The following MRTFB variants were observed in gnomAD, a reference collection of about 807,000 sequenced individuals.
MRTFB encodes the protein myocardin related transcription factor B.
Under a neutral mutation model 104.2 loss-of-function variants are expected in MRTFB, and 29 were observed. The ratio of observed to expected loss-of-function variants is 0.28; its 90% CI spans 0.21 to 0.38. MRTFB has a LOEUF of 0.38. Among genes scored for constraint, MRTFB ranks in the 10% least tolerant of loss-of-function variants. The probability of loss-of-function intolerance (pLI) is 1.00; values close to 1 mark genes in which losing one functional copy is unlikely to be tolerated. For missense variants in MRTFB, 1,270 were observed against 1,341.6 expected (o/e 0.95, Z 0.83); for synonymous variants, 535 against 519.5 (o/e 1.03, Z -0.41).
At chr16:14,238,255 C>T (rs561932498) in intron 9 of MRTFB, among the ~76,000 whole-genome samples, 1 of 152,100 alleles carries the variant, frequency 6.6e-6, no homozygotes, top group African/African-American at 2.4e-5. Context: ...TAGCTCAAAA[C>T]ATCAGTAGAG....
At chr16:14,094,869 A>T (rs1319052662) in intron 2 of MRTFB, among the ~76,000 whole-genome samples, 1 of 152,198 alleles carries the variant, frequency 6.6e-6, no homozygotes, top group African/African-American at 2.4e-5. Flanking sequence ...TTTTTGGAGA[A>T]ACAAAGGATA....
chr16:14,167,690 TTTTGTTTTTG>T (rs1287501096), intron 3 of MRTFB, among the ~76,000 whole-genome samples: 3 of 152,062 alleles, frequency 2.0e-5, no homozygotes, highest in African/African-American at 7.2e-5. Context: ...TTTTGTTTTG[TTTTGTTTTTG>T]TTTGTTTTTG....
chr16:14,233,557 G>A (rs2151314838), intron 8 of MRTFB, among the ~76,000 whole-genome samples: 1 of 152,166 alleles, frequency 6.6e-6, no homozygotes, highest in South Asian at 2.1e-4. Flanking sequence ...GGAGGCCGGG[G>A]CAGGTGGATC....
intron 3 of MRTFB, chr16:14,195,500 C>T (rs1311067436): frequency 1.0e-6 from 1 of 985,030 alleles, no homozygotes; most frequent in Non-Finnish European, 1.2e-6. Context: ...CAGCCCCATT[C>T]CTGAATCCAC....
intron 14 of MRTFB, 119 bp downstream of exon 14, chr16:14,252,142 AGT>A: frequency 7.7e-7 from 1 of 1,292,252 alleles, no homozygotes; most frequent in South Asian, 1.4e-5. Flanking sequence ...TTGAAAATAC[AGT>A]GATAACTTGT....
chr16:14,230,336 T>C (rs1214131834), intron 8 of MRTFB, among the ~76,000 whole-genome samples: 1 of 151,798 alleles, frequency 6.6e-6, no homozygotes, highest in Non-Finnish European at 1.5e-5. Flanking sequence ...ACCATCAGAG[T>C]GAACAGGCAA....
chr16:14,034,730 A>T, the MRTFB span, among the ~76,000 whole-genome samples: 1 of 151,794 alleles, frequency 6.6e-6, no homozygotes, highest in Non-Finnish European at 1.5e-5. Flanking sequence ...TTATTGGATT[A>T]CGGCCCATTC....
chr16:13,998,162 G>A, the MRTFB span, among the ~76,000 whole-genome samples: 20 of 152,276 alleles, frequency 1.3e-4, no homozygotes, highest in South Asian at 4.1e-3. Flanking sequence ...TCAGCAAGGG[G>A]GTGAGTCGTA....
At chr16:14,050,144 C>A in the MRTFB span, among the ~76,000 whole-genome samples, 1 of 151,334 alleles carries the variant, frequency 6.6e-6, no homozygotes, top group African/African-American at 2.4e-5. Flanking sequence ...TATGCATATA[C>A]CCAGAAAGAC....
chr16:14,103,692 A>G (rs574934440), intron 2 of MRTFB, among the ~76,000 whole-genome samples: 4 of 152,376 alleles, frequency 2.6e-5, no homozygotes, highest in African/African-American at 9.6e-5. Context: ...AAGTCAGTCC[A>G]GCCAAGGATT....
chr16:14,173,137 G>T (rs1047904899), intron 3 of MRTFB, among the ~76,000 whole-genome samples: 1 of 151,808 alleles, frequency 6.6e-6, no homozygotes, highest in Non-Finnish European at 1.5e-5. Flanking sequence ...TGTTTTTTCT[G>T]GTTAGGCCTC....
intron 2 of MRTFB, among the ~76,000 whole-genome samples, chr16:14,101,335 A>G (rs951592690): frequency 6.6e-6 from 1 of 152,178 alleles, no homozygotes; most frequent in Admixed American, 6.5e-5. Flanking sequence ...GAGGGAATAC[A>G]CAGAATAGTG....
intron 6 of MRTFB, among the ~76,000 whole-genome samples, chr16:14,213,998 T>C (rs527335918): frequency 1.3e-5 from 2 of 152,338 alleles, no homozygotes; most frequent in Admixed American, 1.3e-4. Context: ...GGACCTTGTC[T>C]GTGTCTAACT....
the MRTFB span, among the ~76,000 whole-genome samples, chr16:13,996,462 A>C: frequency 6.6e-6 from 1 of 152,174 alleles, no homozygotes; most frequent in East Asian, 1.9e-4. Context: ...TACCTGACAG[A>C]GAAAACATTT....
intron 3 of MRTFB, among the ~76,000 whole-genome samples, chr16:14,155,417 G>A (rs1223421458): frequency 6.6e-6 from 1 of 151,396 alleles, no homozygotes; most frequent in South Asian, 2.1e-4. Flanking sequence ...CATCATTCTG[G>A]GTCTGTTTTT....
intron 2 of MRTFB, among the ~76,000 whole-genome samples, chr16:14,100,670 A>G (rs2035647353): frequency 6.6e-6 from 1 of 152,224 alleles, no homozygotes; most frequent in African/African-American, 2.4e-5. Context: ...TTCCTTAAAC[A>G]TCTGCTAGAA....
At chr16:14,045,151 A>T in the MRTFB span, among the ~76,000 whole-genome samples, 1 of 152,140 alleles carries the variant, frequency 6.6e-6, no homozygotes, top group African/African-American at 2.4e-5. Flanking sequence ...CCTTCTATAG[A>T]TCCCTCCGTA....
At chr16:13,996,337 A>T in the MRTFB span, among the ~76,000 whole-genome samples, 28 of 152,068 alleles carry the variant, frequency 1.8e-4, no homozygotes, top group East Asian at 5.4e-3. Context: ...GAAGGCAAAG[A>T]TCAGTGTCCA....
chr16:14,023,136 G>A, the MRTFB span, among the ~76,000 whole-genome samples: 2 of 152,062 alleles, frequency 1.3e-5, no homozygotes, highest in Non-Finnish European at 2.9e-5. Flanking sequence ...CGCAGAGCTG[G>A]TTTACAAATA....
Sources: gnomAD v4.1 joint callset for allele counts (sites outside exome capture counted in the v4.1 genomes callset) on GRCh38, gnomAD v4.1.1 for gene constraint, MANE v1.5 for transcripts, NCBI Gene and HGNC (gene_info 2026-07-23, HGNC 2026-07-21) for gene names.